Variants in RUNDC3B observed in about 807,000 individuals in gnomAD.
RUNDC3B encodes RUN domain-containing protein 3B.
In RUNDC3B, 33 loss-of-function variants were observed where a neutral mutation model predicts 58.4. The ratio of observed to expected loss-of-function variants is 0.56; its 90% CI spans 0.43 to 0.75. The LOEUF (loss-of-function observed/expected upper bound fraction) is 0.75, where lower values mean the gene tolerates loss of function less well. RUNDC3B is among the 30% of genes least tolerant of loss of function. RUNDC3B has a pLI of 0.00. For missense variants in RUNDC3B, 501 were observed against 535.7 expected (o/e 0.94, Z 0.64); for synonymous variants, 193 against 195.2 (o/e 0.99, Z 0.10).
intron 6 of RUNDC3B, among the ~76,000 whole-genome samples, chr7:87,770,341 C>T (rs1351194708): frequency 2.0e-5 from 3 of 152,032 alleles, no homozygotes; most frequent in Non-Finnish European, 4.4e-5. Flanking sequence ...TACCTTATAT[C>T]TGTAAACCCA....
At chr7:87,704,732 G>A (rs1404182669) in intron 3 of RUNDC3B, among the ~76,000 whole-genome samples, 1 of 152,210 alleles carries the variant, frequency 6.6e-6, no homozygotes, top group Non-Finnish European at 1.5e-5. Flanking sequence ...TCCATTTAGT[G>A]GGGAAAGAGA....
At chr7:87,794,172 C>A (rs1448386403) in intron 8 of RUNDC3B, among the ~76,000 whole-genome samples, 2 of 152,192 alleles carry the variant, frequency 1.3e-5, no homozygotes, top group African/African-American at 4.8e-5. Context: ...CGCAGTGGCT[C>A]ACGCCTGTAA....
intron 3 of RUNDC3B, chr7:87,709,484 A>G (rs1829882006): frequency 1.0e-6 from 1 of 985,450 alleles, no homozygotes; most frequent in African/African-American, 1.7e-5. Context: ...AGCACAGGGC[A>G]AGCTAAAAGG....
intron 4 of RUNDC3B, among the ~76,000 whole-genome samples, chr7:87,713,793 A>G (rs897667403): frequency 2.0e-5 from 3 of 152,156 alleles, no homozygotes; most frequent in Admixed American, 1.3e-4. Context: ...GTAAATTTCA[A>G]TTTAAAATAC....
intron 2 of RUNDC3B, among the ~76,000 whole-genome samples, chr7:87,687,639 A>C (rs1280244181): frequency 6.6e-6 from 1 of 152,170 alleles, no homozygotes; most frequent in African/African-American, 2.4e-5. Flanking sequence ...TTGTTGAAAA[A>C]TTGATGGAAG....
intron 1 of RUNDC3B, among the ~76,000 whole-genome samples, chr7:87,643,806 C>T (rs1460697920): frequency 1.3e-5 from 2 of 151,976 alleles, no homozygotes; most frequent in Admixed American, 6.5e-5. Context: ...GGATTACAGG[C>T]GTGAGCCACC....
intron 3 of RUNDC3B, among the ~76,000 whole-genome samples, chr7:87,702,142 CAAAAAAAAA>C (rs146127516): frequency 1.2e-4 from 2 of 16,772 alleles, no homozygotes; most frequent in African/African-American, 1.7e-4. Context: ...GACTCTGTCT[CAAAAAAAAA>C]AAAAAAAAAA....
intron 2 of RUNDC3B, among the ~76,000 whole-genome samples, chr7:87,694,224 G>A (rs934110861): frequency 7.9e-5 from 12 of 151,690 alleles, no homozygotes; most frequent in Non-Finnish European, 5.9e-5. Flanking sequence ...TAAATATTAC[G>A]TGTGAAGTAG....
intron 2 of RUNDC3B, among the ~76,000 whole-genome samples, chr7:87,675,033 G>T (rs1826186394): frequency 6.6e-6 from 1 of 152,228 alleles, no homozygotes; most frequent in South Asian, 2.1e-4. Flanking sequence ...GCCAGCTTAA[G>T]TGTCTGTTGG....
chr7:87,776,093 G>T (rs1834607123), intron 7 of RUNDC3B, among the ~76,000 whole-genome samples: 1 of 152,066 alleles, frequency 6.6e-6, no homozygotes, highest in Non-Finnish European at 1.5e-5. Context: ...GTGGGAATGT[G>T]ATTAGTATAA....
chr7:87,805,815 A>G (rs571184872), intron 8 of RUNDC3B, among the ~76,000 whole-genome samples: 3 of 152,156 alleles, frequency 2.0e-5, no homozygotes, highest in Non-Finnish European at 4.4e-5. Context: ...AATGTTCACT[A>G]GATTCCCTCA....
chr7:87,800,426 C>T (rs540355890), intron 8 of RUNDC3B, among the ~76,000 whole-genome samples: 31 of 152,284 alleles, frequency 2.0e-4, no homozygotes, highest in African/African-American at 7.5e-4. Flanking sequence ...TATTCCATAA[C>T]TTGGCTGTTG....
chr7:87,673,374 C>T (rs1039220702), intron 2 of RUNDC3B, among the ~76,000 whole-genome samples: 1 of 152,184 alleles, frequency 6.6e-6, no homozygotes. Context: ...CATATTTTGT[C>T]TCTTTACATA....
intron 2 of RUNDC3B, among the ~76,000 whole-genome samples, chr7:87,656,613 C>T (rs1824131595): frequency 6.6e-6 from 1 of 151,846 alleles, no homozygotes; most frequent in African/African-American, 2.4e-5. Flanking sequence ...AAGAGAAAGA[C>T]GTTAGAGGAT....
intron 10 of RUNDC3B, among the ~76,000 whole-genome samples, chr7:87,817,076 C>A (rs573426147): frequency 6.6e-6 from 1 of 152,286 alleles, no homozygotes; most frequent in East Asian, 1.9e-4. Flanking sequence ...TAATCCCCTA[C>A]CTCAGGGGAA....
chr7:87,687,737 T>C (rs1827608489), intron 2 of RUNDC3B, among the ~76,000 whole-genome samples: 1 of 152,204 alleles, frequency 6.6e-6, no homozygotes, highest in Non-Finnish European at 1.5e-5. Context: ...CATTTTAGAA[T>C]TTCTCTAATC....
chr7:87,657,902 C>T (rs770616607), intron 2 of RUNDC3B, among the ~76,000 whole-genome samples: 1 of 152,134 alleles, frequency 6.6e-6, no homozygotes, highest in Non-Finnish European at 1.5e-5. Flanking sequence ...GCCCCCCTCC[C>T]ACCTTCCCCT....
chr7:87,675,617 C>A (rs1585069174), intron 2 of RUNDC3B, among the ~76,000 whole-genome samples: 1 of 101,206 alleles, frequency 9.9e-6, no homozygotes, highest in Non-Finnish European at 1.8e-5. Context: ...ATAATCTCTT[C>A]AGTAAATAGT....
intron 6 of RUNDC3B, among the ~76,000 whole-genome samples, chr7:87,744,002 G>T (rs1195631711): frequency 1.3e-5 from 2 of 152,102 alleles, no homozygotes; most frequent in African/African-American, 4.8e-5. Context: ...GGTGAGAGAT[G>T]AGGATCCAAT....
Sources: allele counts gnomAD v4.1 joint callset (sites outside exome capture counted in the v4.1 genomes callset), GRCh38; gene constraint gnomAD v4.1.1; transcripts MANE v1.5; gene names NCBI Gene and HGNC (gene_info 2026-07-23, HGNC 2026-07-21).